The following AFG1L variants were observed in gnomAD, a reference collection of about 807,000 sequenced individuals.
AFG1L encodes AFG1 like ATPase, also known as AFG1-like ATPase.
A neutral mutation model predicts 62.2 loss-of-function variants in AFG1L; 53 were observed. The observed-to-expected ratio is 0.85, with a 90% CI of 0.68 to 1.07. The LOEUF is 1.07. Among genes scored for constraint, AFG1L ranks in the 50% least tolerant of loss-of-function variants. The pLI, the probability that AFG1L is intolerant of heterozygous loss-of-function variation, is 0.00. For synonymous variants in AFG1L, 228 were observed against 210.3 expected, an observed-to-expected ratio of 1.08 and a Z score of -0.73; for missense variants, 555 against 590.5, an observed-to-expected ratio of 0.94 and a Z score of 0.62.
chr6:108,447,189 G>C, intron 7 of AFG1L, 25 bp from the exon 8 acceptor site: 1 of 1,244,514 alleles, frequency 8.0e-7, no homozygotes, highest in Non-Finnish European at 1.2e-6. Context: ...TGTTTAAAAA[G>C]GCACTTCATT....
chr6:108,366,575 T>TG (rs1426965594), intron 6 of AFG1L, among the ~76,000 whole-genome samples: 4 of 151,358 alleles, frequency 2.6e-5, no homozygotes, highest in Non-Finnish European at 4.4e-5. Flanking sequence ...TTTGTTTTTT[T>TG]TTTTCCCTAA....
intron 1 of AFG1L, among the ~76,000 whole-genome samples, chr6:108,302,414 A>G (rs1262045850): frequency 6.6e-6 from 1 of 152,150 alleles, no homozygotes; most frequent in Non-Finnish European, 1.5e-5. Flanking sequence ...ATAGGCTTTT[A>G]AAATTGACTT....
At chr6:108,305,263 C>A (rs1490785588) in intron 1 of AFG1L, among the ~76,000 whole-genome samples, 1 of 152,078 alleles carries the variant, frequency 6.6e-6, no homozygotes, top group Non-Finnish European at 1.5e-5. Flanking sequence ...CCAGAAAATG[C>A]AGTTTTGATT....
At chr6:108,500,168 G>A (rs900882116) in intron 10 of AFG1L, among the ~76,000 whole-genome samples, 22 of 115,384 alleles carry the variant, frequency 1.9e-4, no homozygotes, top group African/African-American at 6.3e-4. Flanking sequence ...TCCATGGTGC[G>A]TGCGTGTGTG....
intron 10 of AFG1L, among the ~76,000 whole-genome samples, chr6:108,501,082 C>T (rs886161861): frequency 6.6e-6 from 1 of 152,092 alleles, no homozygotes; most frequent in Non-Finnish European, 1.5e-5. Context: ...CAACCTCTGC[C>T]TCCTGGGTTC....
At chr6:108,455,069 G>A (rs1772200307) in intron 8 of AFG1L, among the ~76,000 whole-genome samples, 1 of 152,140 alleles carries the variant, frequency 6.6e-6, no homozygotes, top group Admixed American at 6.5e-5. Flanking sequence ...GAAGATATTT[G>A]GGATATTTCT....
At chr6:108,363,267 T>C (rs1779615785) in intron 5 of AFG1L, among the ~76,000 whole-genome samples, 1 of 152,130 alleles carries the variant, frequency 6.6e-6, no homozygotes, top group Admixed American at 6.5e-5. Context: ...GCAGGTTTGT[T>C]ATATAGGTAA....
chr6:108,510,370 T>G lies in AFG1L; in HGVS notation c.1203+18T>G, dbSNP rs542709370. On this transcript the variant is annotated intron_variant, in intron 11 of 12. Transcript: ENST00000368977. ...ATCTCAAGGTAAGGATGTAGTACAT[T>G]TTCTTAAAACTAAACACTTTGTATT... 2 of 1,588,092 alleles carry G rather than the reference T, an allele frequency of 1.3e-6. No homozygotes were observed. The highest frequency in any genetic ancestry group is 2.3e-5 in the South Asian group (2 of 86,748).
rs149556903 is a variant in AFG1L, at chr6:108,324,797, G to A, written c.363+749G>A. ...CAACCTTTGCCTCCTGGATTCAAGC[G>A]ATCGTCCTGCCTCAGCCTCCCAAGT... On this transcript the variant is annotated intron_variant, in intron 2 of 12. Transcript: ENST00000368977. 1.6e-3 allele frequency among the ~76,000 whole-genome samples: 246 copies of A among 151,868 alleles called. 2 individuals carry two copies. The highest frequency in any genetic ancestry group is 5.8e-3 in the African/African-American group (242 of 41,394).
At chr6:108,481,831 G>A (rs1456943683) in intron 10 of AFG1L, among the ~76,000 whole-genome samples, 1 of 152,192 alleles carries the variant, frequency 6.6e-6, no homozygotes, top group African/African-American at 2.4e-5. Flanking sequence ...TATTTTCACA[G>A]AATACCATTT....
At chr6:108,345,570 C>G (rs557718236) in intron 2 of AFG1L, among the ~76,000 whole-genome samples, 6 of 152,184 alleles carry the variant, frequency 3.9e-5, no homozygotes, top group Non-Finnish European at 8.8e-5. Flanking sequence ...GGCTAGAGCT[C>G]AAACAATCTG....
intron 3 of AFG1L, 129 bp downstream of exon 3, chr6:108,347,168 G>T (rs989948563): frequency 1.3e-5 from 10 of 762,174 alleles, no homozygotes; most frequent in Admixed American, 1.2e-4. Context: ...GGGTAAGGTA[G>T]GGAGAGAAGA....
intron 2 of AFG1L, among the ~76,000 whole-genome samples, chr6:108,346,637 A>G (rs1418466814): frequency 6.6e-6 from 1 of 152,146 alleles, no homozygotes; most frequent in Admixed American, 6.5e-5. Context: ...CAAAGTGCTC[A>G]GATTATAGGT....
intron 6 of AFG1L, among the ~76,000 whole-genome samples, 157 bp from the exon 7 acceptor site, chr6:108,401,839 G>T (rs1264972483): frequency 6.6e-6 from 1 of 151,564 alleles, no homozygotes; most frequent in East Asian, 1.9e-4. Context: ...AATAAAATGT[G>T]TGTAGGACCC....
chr6:108,350,025 C>G (rs1201096193), intron 3 of AFG1L, among the ~76,000 whole-genome samples: 1 of 151,856 alleles, frequency 6.6e-6, no homozygotes, highest in African/African-American at 2.4e-5. Context: ...GATTTCAGAC[C>G]AGCCTGGCCA....
At chr6:108,321,911 T>A (rs998548789) in intron 1 of AFG1L, among the ~76,000 whole-genome samples, 1 of 152,122 alleles carries the variant, frequency 6.6e-6, no homozygotes, top group African/African-American at 2.4e-5. Context: ...AGAGAGAGTC[T>A]CACTCTGTTG....
chr6:108,421,848 T>C (rs1384253548), intron 7 of AFG1L, among the ~76,000 whole-genome samples: 1 of 152,002 alleles, frequency 6.6e-6, no homozygotes, highest in African/African-American at 2.4e-5. Context: ...GCACCTCCAA[T>C]AAGAGATGGG....
chr6:108,511,314 GTTGT>G (rs755597038), intron 11 of AFG1L, among the ~76,000 whole-genome samples: 1 of 152,076 alleles, frequency 6.6e-6, no homozygotes, highest in Non-Finnish European at 1.5e-5. Flanking sequence ...ATACCATCTT[GTTGT>G]TTGTTTGTTT....
intron 6 of AFG1L, among the ~76,000 whole-genome samples, chr6:108,374,011 C>G (rs771356665): frequency 3.9e-5 from 6 of 152,144 alleles, no homozygotes; most frequent in Non-Finnish European, 7.4e-5. Flanking sequence ...TTATTTTTTA[C>G]TTTTTAATAC....
Sources: allele counts gnomAD v4.1 joint callset (sites outside exome capture counted in the v4.1 genomes callset), GRCh38; gene constraint gnomAD v4.1.1; transcripts MANE v1.5; gene names NCBI Gene and HGNC (gene_info 2026-07-23, HGNC 2026-07-21).